CCDC196: variants seen among roughly 807,000 people sequenced by gnomAD.
CCDC196 encodes the protein coiled-coil domain containing 196.
intron 8 of CCDC196, among the ~76,000 whole-genome samples, chr14:66,497,128 C>T (rs376618483): frequency 2.6e-5 from 4 of 152,208 alleles, no homozygotes; most frequent in South Asian, 2.1e-4. Context: ...AGCTCAAATC[C>T]GGGTCCTTGA....
intron 8 of CCDC196, chr14:66,495,861 G>T (rs1594747286): frequency 6.3e-6 from 1 of 159,296 alleles, no homozygotes; most frequent in East Asian, 1.8e-4. Context: ...ATTACTGGCA[G>T]CCTTGATTAG....
chr14:66,496,317 G>A (rs1051140779), intron 8 of CCDC196: 11 of 456,158 alleles, frequency 2.4e-5, no homozygotes, highest in Admixed American at 1.2e-4. Context: ...CTGGTTGGCT[G>A]AGTTGCAGTG....
intron 8 of CCDC196, among the ~76,000 whole-genome samples, chr14:66,497,483 T>TTTTAGCA (rs1441997045): frequency 6.6e-6 from 1 of 151,894 alleles, no homozygotes; most frequent in East Asian, 1.9e-4. Flanking sequence ...AGGGATACCC[T>TTTTAGCA]ATTAAATTTG....
At chr14:66,490,668 TG>T in intron 4 of CCDC196, 73 bp from the exon 5 acceptor site, 1 of 398,388 alleles carries the variant, frequency 2.5e-6, no homozygotes, top group Admixed American at 4.4e-5. Context: ...ACCAAAACCT[TG>T]ACCCATATTG....
At chr14:66,496,532 G>T (rs1018712393) in intron 8 of CCDC196, among the ~76,000 whole-genome samples, 2 of 152,140 alleles carry the variant, frequency 1.3e-5, no homozygotes, top group African/African-American at 4.8e-5. Context: ...GGAGACAGGT[G>T]ACATTTGAAA....
Position 66,491,527 on chromosome 14 carries a change from C to T in CCDC196, c.514-99C>T, listed in dbSNP as rs376271664. ...TAAAGTCAATTTAATAGTAAATCTGCGACACTATAATTTTGCTATAAGGCT... is the reference window on the plus strand; with the variant it reads ...TAAAGTCAATTTAATAGTAAATCTGTGACACTATAATTTTGCTATAAGGCT... On this transcript the variant is annotated intron_variant, in intron 6 of 9. Coordinates refer to ENST00000636229, the MANE Select transcript of CCDC196 (RefSeq NM_001351576.1). 1.9e-4 allele frequency: 77 copies of T among 412,074 alleles called. 2 individuals carry two copies. The highest frequency in any genetic ancestry group is 1.1e-3 in the East Asian group (30 of 28,030). The allele number at this position is 412,074 out of a possible 1,614,324, so 25.5% of individuals were successfully genotyped here. A position where few individuals can be genotyped will look rare whatever the true frequency, so the allele number is the denominator to read the frequency against.
chr14:66,497,502 C>A (rs986612683), intron 8 of CCDC196, among the ~76,000 whole-genome samples: 15 of 151,966 alleles, frequency 9.9e-5, no homozygotes, highest in Non-Finnish European at 2.1e-4. Flanking sequence ...TGAATTTCAC[C>A]AAATAATTTT....
intron 2 of CCDC196, among the ~76,000 whole-genome samples, chr14:66,487,713 C>T (rs2057440514): frequency 6.6e-6 from 1 of 152,100 alleles, no homozygotes; most frequent in Admixed American, 6.6e-5. Flanking sequence ...ACTCAAATGT[C>T]CTCATAGGAA....
At chr14:66,487,849 T>C (rs570728461) in intron 2 of CCDC196, among the ~76,000 whole-genome samples, 1 of 152,254 alleles carries the variant, frequency 6.6e-6, no homozygotes, top group Non-Finnish European at 1.5e-5. Flanking sequence ...TTACCCCTTC[T>C]TCTCCCAAAA....
chr14:66,493,561 T>A (rs1178330518), intron 8 of CCDC196, among the ~76,000 whole-genome samples: 1 of 152,206 alleles, frequency 6.6e-6, no homozygotes, highest in Non-Finnish European at 1.5e-5. Flanking sequence ...AGGTTGTTTC[T>A]CCTCTGTTCT....
chr14:66,491,400 T>A (rs2057532118), intron 6 of CCDC196, among the ~76,000 whole-genome samples: 2 of 152,248 alleles, frequency 1.3e-5, no homozygotes, highest in African/African-American at 2.4e-5. Context: ...TATGCTGGTA[T>A]CTCATCTTCC....
At chr14:66,497,474 G>A (rs7160183) in intron 8 of CCDC196, among the ~76,000 whole-genome samples, 49,944 of 151,970 alleles carry the variant, frequency 0.33, 12,177 homozygotes, top group African/African-American at 0.66. Context: ...CAAATAAAAA[G>A]GGATACCCTA....
chr14:66,491,950 T>A (rs1265667055), intron 7 of CCDC196, 103 bp from the exon 8 acceptor site: 4 of 407,630 alleles, frequency 9.8e-6, no homozygotes, highest in African/African-American at 8.2e-5. Context: ...AGACTGAGCA[T>A]GATGGAATTA....
At chr14:66,491,578 T>G in intron 6 of CCDC196, 48 bp from the exon 7 acceptor site, 1 of 413,596 alleles carries the variant, frequency 2.4e-6, no homozygotes. Context: ...GAAAACTGAT[T>G]GCTGATCTCA....
intron 8 of CCDC196, among the ~76,000 whole-genome samples, chr14:66,497,147 A>T (rs1211584441): frequency 6.6e-6 from 1 of 152,194 alleles, no homozygotes; most frequent in African/African-American, 2.4e-5. Flanking sequence ...GATAAGCAGT[A>T]CTGTTGCTTT....
intron 4 of CCDC196, among the ~76,000 whole-genome samples, chr14:66,490,497 A>T (rs2057510706): frequency 6.6e-6 from 1 of 152,224 alleles, no homozygotes. Context: ...TAATGCAGTA[A>T]GTAGCTTAGA....
intron 8 of CCDC196, among the ~76,000 whole-genome samples, chr14:66,497,508 AT>A (rs1253374469): frequency 6.6e-6 from 1 of 152,158 alleles, no homozygotes; most frequent in Non-Finnish European, 1.5e-5. Context: ...TCACCAAATA[AT>A]TTTTAGTATA....
Position 66,486,494 on chromosome 14 carries a change from C to T in CCDC196, c.-9C>T, listed in dbSNP as rs1301053568. On this transcript the variant is annotated 5_prime_UTR_variant, in exon 1 of 10. Transcript: ENST00000636229. ...AAGGCCTCTTTATTCTTAGAAGTTA[C>T]CCTTCAAGATGACAAGTGGTGCAAA... 1.5e-5 allele frequency: 6 copies of T among 411,428 alleles called. No homozygotes were observed. Among genetic ancestry groups the T allele is most frequent in the East Asian group, 3.6e-5 (1 of 28,078 alleles). The allele number at this position is 411,428 out of a possible 1,614,324, so 25.5% of individuals were successfully genotyped here. A position where few individuals can be genotyped will look rare whatever the true frequency, so the allele number is the denominator to read the frequency against.
chr14:66,498,206 T>A (rs969169371), intron 9 of CCDC196, 39 bp downstream of exon 9: 6 of 412,822 alleles, frequency 1.5e-5, no homozygotes, highest in African/African-American at 1.0e-4. Flanking sequence ...AAAATCGTTT[T>A]AAGGGCTTGA....
Sources: gnomAD v4.1 joint callset for allele counts (sites outside exome capture counted in the v4.1 genomes callset) on GRCh38, gnomAD v4.1.1 for gene constraint, MANE v1.5 for transcripts, NCBI Gene and HGNC (gene_info 2026-07-23, HGNC 2026-07-21) for gene names.